The following ELMO1 variants were observed in gnomAD, a reference collection of about 807,000 sequenced individuals.
ELMO1 encodes engulfment and cell motility 1.
ELMO1 carries 26 observed loss-of-function variants against 98.9 expected under a neutral mutation model. The observed-to-expected ratio is 0.26, with a 90% confidence interval of 0.19 to 0.36. The LOEUF is 0.36. Among genes scored for constraint, ELMO1 ranks in the 10% least tolerant of loss-of-function variants. ELMO1 has a pLI of 1.00. For synonymous variants in ELMO1, 346 were observed against 346.0 expected, an observed-to-expected ratio of 1.00 and a Z score of 0.00; for missense variants, 627 against 935.2, an observed-to-expected ratio of 0.67 and a Z score of 4.30.
chr7:37,013,255 T>A, intron 16 of ELMO1, 44 bp downstream of exon 16: 1 of 1,610,122 alleles, frequency 6.2e-7, no homozygotes, highest in Non-Finnish European at 8.5e-7. Flanking sequence ...CAGGCCCCTT[T>A]AGCGCTGCGG....
At chr7:37,408,503 CA>C (rs1803867730) in intron 1 of ELMO1, among the ~76,000 whole-genome samples, 1 of 152,156 alleles carries the variant, frequency 6.6e-6, no homozygotes, top group Non-Finnish European at 1.5e-5. Context: ...GAGGGAGAAG[CA>C]GTCTAAATAT....
At chr7:37,290,909 A>G (rs1797645237) in intron 4 of ELMO1, among the ~76,000 whole-genome samples, 1 of 152,218 alleles carries the variant, frequency 6.6e-6, no homozygotes, top group African/African-American at 2.4e-5. Flanking sequence ...GAGAAAAAGA[A>G]GAACAAGAAG....
intron 15 of ELMO1, among the ~76,000 whole-genome samples, chr7:37,061,415 C>T (rs555207449): frequency 3.9e-5 from 6 of 152,282 alleles, no homozygotes; most frequent in Non-Finnish European, 8.8e-5. Context: ...GCAGGCCTAA[C>T]GAATAGTGGA....
At chr7:37,383,035 A>G (rs573282982) in intron 1 of ELMO1, among the ~76,000 whole-genome samples, 1 of 152,346 alleles carries the variant, frequency 6.6e-6, no homozygotes, top group East Asian at 1.9e-4. Flanking sequence ...ATATTTCTAA[A>G]GAACAAGAAC....
intron 11 of ELMO1, among the ~76,000 whole-genome samples, chr7:37,216,263 T>A (rs961583308): frequency 1.3e-5 from 2 of 152,010 alleles, no homozygotes; most frequent in Admixed American, 1.3e-4. Context: ...TCTCAGGACT[T>A]CTCTTGGTAC....
intron 13 of ELMO1, among the ~76,000 whole-genome samples, chr7:37,158,284 A>G (rs1353984150): frequency 1.3e-5 from 2 of 152,242 alleles, no homozygotes; most frequent in Non-Finnish European, 2.9e-5. Context: ...AAGCAATGGC[A>G]ACAAAAGCCG....
intron 1 of ELMO1, among the ~76,000 whole-genome samples, chr7:37,384,399 T>A (rs151249061): frequency 1.0e-3 from 153 of 152,176 alleles, no homozygotes; most frequent in African/African-American, 3.5e-3. Flanking sequence ...AATAATTAGA[T>A]TGAAGAAAAA....
At chr7:37,169,727 A>T (rs1254223504) in intron 13 of ELMO1, among the ~76,000 whole-genome samples, 1 of 152,356 alleles carries the variant, frequency 6.6e-6, no homozygotes, top group Non-Finnish European at 1.5e-5. Flanking sequence ...AGGGAGGCAC[A>T]TGTCACACAT....
At chr7:37,162,186 A>G (rs1183716122) in intron 13 of ELMO1, among the ~76,000 whole-genome samples, 1 of 151,798 alleles carries the variant, frequency 6.6e-6, no homozygotes, top group Non-Finnish European at 1.5e-5. Flanking sequence ...CTCTGCAAAA[A>G]GAGGCTCAAA....
At chr7:37,130,119 C>G (rs1242909132) in intron 14 of ELMO1, among the ~76,000 whole-genome samples, 1 of 152,296 alleles carries the variant, frequency 6.6e-6, no homozygotes, top group East Asian at 1.9e-4. Flanking sequence ...GTGTTGGTGA[C>G]TTTCCTCTGT....
rs376512430 is a variant in ELMO1 at position 37,399,881 on chromosome 7, G to A, written c.-74+48794C>T. The stretch of plus-strand genomic sequence containing the variant: ...CTCCTTCTCCCAGGATTGTTGTGAG[G>A]ATTAAACAACTTGAAATGTGCAAAT... On this transcript the variant is annotated intron_variant, in intron 1 of 21. Coordinates refer to ENST00000310758, the MANE Select transcript of ELMO1 (RefSeq NM_014800.11). Among the ~76,000 whole-genome samples the A allele has an allele frequency of 5.9e-5, 9 of 152,270 alleles. No homozygotes were observed. In the East Asian group the frequency reaches 1.5e-3, roughly 26 times the overall value.
chr7:37,034,233 C>G (rs1370640311), intron 15 of ELMO1, among the ~76,000 whole-genome samples: 1 of 152,132 alleles, frequency 6.6e-6, no homozygotes, highest in Non-Finnish European at 1.5e-5. Flanking sequence ...GGGCTCTAAT[C>G]CAATAGGACT....
chr7:37,443,956 G>T (rs1805512507), intron 1 of ELMO1, among the ~76,000 whole-genome samples: 1 of 152,154 alleles, frequency 6.6e-6, no homozygotes, highest in Non-Finnish European at 1.5e-5. Context: ...CCAACCTGGA[G>T]CACCGTGGTG....
chr7:37,092,638 C>T (rs1460915255), intron 15 of ELMO1, among the ~76,000 whole-genome samples: 1 of 152,018 alleles, frequency 6.6e-6, no homozygotes, highest in Non-Finnish European at 1.5e-5. Flanking sequence ...GCCTCCCAAA[C>T]TGCTGGGATT....
intron 6 of ELMO1, among the ~76,000 whole-genome samples, chr7:37,252,651 A>G (rs1562555863): frequency 6.6e-6 from 1 of 152,174 alleles, no homozygotes; most frequent in African/African-American, 2.4e-5. Flanking sequence ...TAGGAATACC[A>G]TTCAGGACGC....
At position 37,379,339 on chromosome 7, in the gene ELMO1, C is replaced by T. The variant is rs2131380135; in HGVS notation, c.-73-36576G>A. On this transcript the variant is annotated intron_variant, in intron 1 of 21. Coordinates refer to ENST00000310758, the MANE Select transcript of ELMO1 (RefSeq NM_014800.11). Reference sequence around the variant, plus strand: ...AACAGGTGTGAGCCACCGCGCCCGGCCTCATCACATTCTTCTTCTTCATTA... The same window carrying T: ...AACAGGTGTGAGCCACCGCGCCCGGTCTCATCACATTCTTCTTCTTCATTA... Among the ~76,000 whole-genome samples the T allele has an allele frequency of 2.0e-5, 3 of 152,272 alleles. No individual in the cohort carries two copies. The South Asian group carries it at 6.2e-4, about 32-fold the overall frequency.
At chr7:37,365,498 G>A (rs1801868463) in intron 1 of ELMO1, among the ~76,000 whole-genome samples, 1 of 152,212 alleles carries the variant, frequency 6.6e-6, no homozygotes, top group Non-Finnish European at 1.5e-5. Flanking sequence ...AAAAGCAGAA[G>A]AGAAGCCTTC....
intron 16 of ELMO1, among the ~76,000 whole-genome samples, chr7:36,968,528 A>T (rs990635765): frequency 6.6e-6 from 1 of 152,174 alleles, no homozygotes; most frequent in African/African-American, 2.4e-5. Flanking sequence ...GAGCTTTGTA[A>T]AGCACACTGG....
chr7:37,203,928 C>T (rs145078866), intron 13 of ELMO1, among the ~76,000 whole-genome samples: 1,912 of 152,240 alleles, frequency 0.013, 19 homozygotes, highest in South Asian at 0.026. Context: ...CCAACGCTCC[C>T]AACTCCGAAG....
Sources: allele counts gnomAD v4.1 joint callset (sites outside exome capture counted in the v4.1 genomes callset), GRCh38; gene constraint gnomAD v4.1.1; transcripts MANE v1.5; gene names NCBI Gene and HGNC (gene_info 2026-07-23, HGNC 2026-07-21).